The following SQSTM1 variants were observed in gnomAD, a reference collection of about 807,000 sequenced individuals.
SQSTM1 encodes sequestosome-1.
SQSTM1 carries 36 observed loss-of-function variants against 45.1 expected under a neutral mutation model. That is an observed-to-expected ratio of 0.80 (90% CI 0.61 to 1.05). The LOEUF (loss-of-function observed/expected upper bound fraction) is 1.05, where lower values mean the gene tolerates loss of function less well. Among genes scored for constraint, SQSTM1 ranks in the 50% least tolerant of loss-of-function variants. SQSTM1 has a pLI of 0.00. For missense variants in SQSTM1, 617 were observed against 607.1 expected (o/e 1.02, Z -0.17); for synonymous variants, 290 against 244.3 (o/e 1.19, Z -1.74).
At chr5:179,835,537 C>CCAGT (rs1203715398) in intron 7 of SQSTM1, 2 of 157,798 alleles carry the variant, frequency 1.3e-5, no homozygotes, top group South Asian at 1.7e-4. Context: ...AACACGAAAA[C>CCAGT]CAGTCAGTCG....
chr5:179,821,102 C>A lies in SQSTM1; in HGVS notation c.166C>A (p.Pro56Thr). Reference protein sequence around the residue: ...RLLSRVAALFPALRPGGFQAH... With the variant: ...RLLSRVAALFTALRPGGFQAH... The stretch of plus-strand genomic sequence containing the variant: ...GCTGAGCCGGGTGGCCGCCCTGTTC[C>A]CCGCGCTGCGGCCTGGCGGCTTCCA... Residue 56 changes from proline to threonine, a missense_variant, in exon 1 of 8, where the codon CCC (proline) becomes ACC (threonine). Coordinates refer to ENST00000389805, the MANE Select transcript of SQSTM1 (RefSeq NM_003900.5). 7.0e-7 allele frequency: 1 copy of A among 1,421,104 alleles called. No homozygotes were observed. 88.0% of individuals were successfully genotyped at this position (1,421,104 alleles called of 1,614,324 possible).
At chr5:179,835,146 G>C in intron 7 of SQSTM1, 1 of 213,214 alleles carries the variant, frequency 4.7e-6, no homozygotes, top group Non-Finnish European at 9.7e-6. Context: ...GGGCAGAGGC[G>C]CTCCCCACAT....
chr5:179,809,827 A>G lies in SQSTM1; in HGVS notation c.-156-1747A>G, dbSNP rs1328478566. Among the ~76,000 whole-genome samples the G allele has an allele frequency of 3.3e-5, 5 of 150,692 alleles. No homozygotes were observed. The East Asian group carries it at 9.8e-4, about 30-fold the overall frequency. ...CCCGGCTAATTTTTATATTTTTAGT[A>G]GAGATGGGGTTTCACCATGTTGGTC... is the stretch of plus-strand genomic sequence containing the variant. On this transcript the variant is annotated intron_variant, in intron 1 of 5. Coordinates refer to the SQSTM1 transcript ENST00000514093.
intron 2 of SQSTM1, chr5:179,811,931 A>T (rs531920930): frequency 2.0e-5 from 3 of 152,248 alleles, no homozygotes; most frequent in East Asian, 1.9e-4. Context: ...CAGCCTCCTG[A>T]GTAGCTGGGA....
intron 5 of SQSTM1, among the ~76,000 whole-genome samples, chr5:179,828,203 A>G (rs1758074298): frequency 1.3e-5 from 2 of 152,134 alleles, no homozygotes; most frequent in African/African-American, 4.8e-5. Flanking sequence ...AAGGCCTGAA[A>G]ATCTCACGCT....
intron 1 of SQSTM1, chr5:179,808,470 G>A (rs1056384884): frequency 6.6e-6 from 1 of 152,214 alleles, no homozygotes; most frequent in African/African-American, 2.4e-5. Flanking sequence ...TTTCACTTAG[G>A]TTGTGACATA....
At chr5:179,829,383 A>G (rs971180123) in intron 5 of SQSTM1, among the ~76,000 whole-genome samples, 1 of 152,218 alleles carries the variant, frequency 6.6e-6, no homozygotes, top group African/African-American at 2.4e-5. Flanking sequence ...CGCTGGCCCC[A>G]CAGAAGGCTT....
chr5:179,810,401 G>A (rs1757362339), intron 1 of SQSTM1, among the ~76,000 whole-genome samples: 1 of 152,134 alleles, frequency 6.6e-6, no homozygotes, highest in African/African-American at 2.4e-5. Flanking sequence ...AGTTTGCTCA[G>A]AATGGTTTCC....
At chr5:179,829,988 T>G (rs72813725) in intron 5 of SQSTM1, among the ~76,000 whole-genome samples, 1 of 152,124 alleles carries the variant, frequency 6.6e-6, no homozygotes, top group Non-Finnish European at 1.5e-5. Context: ...TGTGTACTTA[T>G]GGCCCCAGCT....
rs1453405099 is a variant in SQSTM1 at position 179,837,764 on chromosome 5, T to C, written c.*1171T>C. 2 of 1,614,276 alleles carry C rather than the reference T, an allele frequency of 1.2e-6. No homozygotes were observed. Among genetic ancestry groups the C allele is most frequent in the Non-Finnish European group, 1.7e-6 (2 of 1,180,052 alleles). On this transcript the variant is annotated 3_prime_UTR_variant, in exon 8 of 8. Coordinates refer to ENST00000389805, the MANE Select transcript of SQSTM1 (RefSeq NM_003900.5). ...TTTAGAGGATGTGGCTGTAACCTGC[T>C]GGATGGGACTCCATAGCTCCTTCCC... is the stretch of plus-strand genomic sequence containing the variant.
At chr5:179,823,178 A>C (rs1444313531) in intron 2 of SQSTM1, 125 bp downstream of exon 2, 4 of 914,498 alleles carry the variant, frequency 4.4e-6, no homozygotes, top group Non-Finnish European at 6.9e-6. Flanking sequence ...TGTTTAAGAC[A>C]GAGACATAGG....
At chr5:179,833,518 G>A (rs1758346442) in intron 6 of SQSTM1, 69 bp from the exon 7 acceptor site, 5 of 1,558,664 alleles carry the variant, frequency 3.2e-6, no homozygotes, top group African/African-American at 2.7e-5. Context: ...TCTGCCAGGA[G>A]CCAGGGCCAT....
chr5:179,819,884 C>T (rs575694327), upstream of SQSTM1, among the ~76,000 whole-genome samples: 1 of 152,212 alleles, frequency 6.6e-6, no homozygotes, highest in South Asian at 2.1e-4. Context: ...TCCAGCCACT[C>T]TTGCCTCCCT....
At chr5:179,835,298 G>A (rs1758484824) in intron 7 of SQSTM1, 1 of 176,526 alleles carries the variant, frequency 5.7e-6, no homozygotes, top group Non-Finnish European at 1.2e-5. Context: ...GCCGGGCAGA[G>A]GCTGCAATCT....
chr5:179,806,400 G>A (rs1248965312), upstream of SQSTM1: 32 of 838,210 alleles, frequency 3.8e-5, no homozygotes, highest in Non-Finnish European at 4.8e-5. The surrounding 1 kb of genome is among the most constrained non-coding windows in gnomAD (Gnocchi z 4.6). Context: ...GTCGGCTTCC[G>A]GCCGCCTTCC....
chr5:179,825,265 C>A (rs75363646), intron 5 of SQSTM1, 39 bp downstream of exon 5: 28,770 of 1,537,266 alleles, frequency 0.019, 354 homozygotes, highest in Middle Eastern at 0.034. Context: ...CCTAACTCAG[C>A]CTGCACTTTA....
intron 7 of SQSTM1, chr5:179,836,047 T>C (rs1459744378): frequency 2.4e-5 from 8 of 329,908 alleles, no homozygotes; most frequent in Non-Finnish European, 4.7e-5. Flanking sequence ...GTATCTTGTA[T>C]CCATTCATCT....
rs1299754006 is a variant in SQSTM1, at chr5:179,806,792, C to T, written c.-157+201C>T. ...GGGCGCAAGCTTTGTGCCCTGTACT[C>T]AGGGAAGAGGAACAGGCTCAGAAGG... On this transcript the variant is annotated intron_variant, in intron 1 of 5. Coordinates refer to the SQSTM1 transcript ENST00000514093. The surrounding 1 kb of genome is among the most constrained non-coding windows in gnomAD (Gnocchi z 4.6). The T allele has an allele frequency of 6.7e-6, 1 of 149,496 alleles. No homozygotes were observed. The highest frequency in any genetic ancestry group is 1.5e-5 in the Non-Finnish European group (1 of 67,150). 9.3% of individuals were successfully genotyped at this position (149,496 alleles called of 1,614,324 possible). A position where few individuals can be genotyped will look rare whatever the true frequency, so the allele number is the denominator to read the frequency against.
chr5:179,832,052 G>T (rs1021938825), intron 5 of SQSTM1, among the ~76,000 whole-genome samples: 4 of 152,166 alleles, frequency 2.6e-5, no homozygotes, highest in African/African-American at 9.7e-5. Context: ...CAAAGTGCTG[G>T]GATTACAGGC....
Sources: gnomAD v4.1 joint callset for allele counts (sites outside exome capture counted in the v4.1 genomes callset) on GRCh38, gnomAD v4.1.1 for gene constraint, Gnocchi (gnomAD v3.1) non-coding constraint, MANE v1.5 for transcripts, NCBI Gene and HGNC (gene_info 2026-07-23, HGNC 2026-07-21) for gene names.